STRN: variants seen among roughly 807,000 people sequenced by gnomAD.
STRN encodes the protein striatin.
STRN carries 53 observed loss-of-function variants against 96.3 expected under a neutral mutation model. The ratio of observed to expected loss-of-function variants is 0.55; its 90% CI spans 0.44 to 0.69. The LOEUF (loss-of-function observed/expected upper bound fraction) is 0.69. Ranked by LOEUF, STRN falls within the 30% of genes least tolerant of loss-of-function variation. The probability of loss-of-function intolerance (pLI) is 0.00; values close to 1 mark genes in which losing one functional copy is unlikely to be tolerated. For synonymous variants in STRN, 428 were observed against 355.9 expected (o/e 1.20, Z -2.28); for missense variants, 987 against 963.9 (o/e 1.02, Z -0.32).
At chr2:36,861,025 T>C (rs537424243) in intron 13 of STRN, 107 bp downstream of exon 13, 1 of 1,323,242 alleles carries the variant, frequency 7.6e-7, no homozygotes, top group Non-Finnish European at 1.0e-6. Flanking sequence ...TGGTTCTCTT[T>C]ACCTATTTAT....
intron 1 of STRN, among the ~76,000 whole-genome samples, chr2:36,948,504 A>C (rs1438457768): frequency 2.0e-5 from 3 of 152,110 alleles, no homozygotes; most frequent in Non-Finnish European, 4.4e-5. Flanking sequence ...CCTTCTGTTA[A>C]TTTGGACACA....
chr2:36,911,041 C>CA (rs551367476), intron 3 of STRN, among the ~76,000 whole-genome samples: 80 of 150,630 alleles, frequency 5.3e-4, no homozygotes, highest in Middle Eastern at 3.4e-3. Flanking sequence ...ACAAAGAATG[C>CA]AAAAAAAAAT....
In STRN at chr2:36,954,698, G is replaced by A. The variant is rs529942144; in HGVS notation, c.234+11532C>T. On this transcript the variant is annotated intron_variant, in intron 1 of 17. Coordinates refer to ENST00000263918, the MANE Select transcript of STRN (RefSeq NM_003162.4). Reference sequence around the variant, plus strand: ...CCAAGCTGGAGTGGAGTGAAATGGCGTGATCTCGGCTCACTGCAACCTCTG... The same window carrying A: ...CCAAGCTGGAGTGGAGTGAAATGGCATGATCTCGGCTCACTGCAACCTCTG... 7.3e-5 allele frequency among the ~76,000 whole-genome samples: 11 copies of A among 151,144 alleles called. No homozygotes were observed. The East Asian group carries it at 7.9e-4, about 11-fold the overall frequency.
chr2:36,854,741 A>G (rs1668302463), intron 15 of STRN, among the ~76,000 whole-genome samples: 1 of 152,200 alleles, frequency 6.6e-6, no homozygotes, highest in African/African-American at 2.4e-5. Context: ...TATCTTCTTC[A>G]TAACCTGAAA....
intron 1 of STRN, among the ~76,000 whole-genome samples, chr2:36,948,220 G>A (rs751758022): frequency 1.3e-5 from 2 of 149,390 alleles, no homozygotes; most frequent in Non-Finnish European, 3.0e-5. Flanking sequence ...TCCTGCCTCA[G>A]CCACCTGAGT....
chr2:36,884,088 A>AG lies in STRN; in HGVS notation c.1043-14dup, dbSNP rs747455162. 4.3e-5 allele frequency: 57 copies of AG among 1,316,458 alleles called. No individual in the cohort carries two copies. The Middle Eastern group carries it at 6.1e-4, about 14-fold the overall frequency. The allele number at this position is 1,316,458 out of a possible 1,614,324, so 81.5% of individuals were successfully genotyped here. A position where few individuals can be genotyped will look rare whatever the true frequency, so the allele number is the denominator to read the frequency against. On this transcript the variant is annotated splice_polypyrimidine_tract_variant and intron_variant, in intron 8 of 17. Coordinates refer to ENST00000263918, the MANE Select transcript of STRN (RefSeq NM_003162.4). The stretch of plus-strand genomic sequence containing the variant: ...GACCTATTGGGCCCTAGCCAAAAAA[A>AG]GGGGGGGTGGGAGGAGATAAAAAAG...
At chr2:36,849,869 G>A in intron 16 of STRN, 69 bp from the exon 17 acceptor site, 1 of 1,470,990 alleles carries the variant, frequency 6.8e-7, no homozygotes, top group Non-Finnish European at 9.5e-7. Flanking sequence ...CAGCTACCAT[G>A]TCCTGCTGGT....
At chr2:36,954,706 G>A (rs1019233837) in intron 1 of STRN, among the ~76,000 whole-genome samples, 3 of 150,834 alleles carry the variant, frequency 2.0e-5, no homozygotes, top group African/African-American at 7.3e-5. Flanking sequence ...GCGTGATCTC[G>A]GCTCACTGCA....
intron 13 of STRN, among the ~76,000 whole-genome samples, chr2:36,859,222 G>T (rs1238417072): frequency 1.3e-5 from 2 of 152,086 alleles, no homozygotes; most frequent in African/African-American, 4.8e-5. Context: ...ATTTAATAAG[G>T]TAAGCTTGGT....
In STRN at chr2:36,916,108, CCT is replaced by C. The variant is rs1288714577; in HGVS notation, c.380_381del (p.Gln127ArgfsTer9). 1 of 1,613,442 alleles carries C rather than the reference CCT, an allele frequency of 6.2e-7. No homozygotes were observed. The highest frequency in any genetic ancestry group is 8.5e-7 in the Non-Finnish European group (1 of 1,179,818). ...TCATAGCTTGGAGGCTTCATATCTCCCTGATTCAATTCTGTCCCGTATTTCAA... is the reference window on the plus strand; with the variant it reads ...TCATAGCTTGGAGGCTTCATATCTCCGATTCAATTCTGTCCCGTATTTCAA... ...HKLKYGTELN[Q>X]GDMKPPSYDS... is the part of the protein sequence containing the mutation. On this transcript the variant is annotated frameshift_variant, in exon 3 of 18. Coordinates refer to ENST00000263918, the MANE Select transcript of STRN (RefSeq NM_003162.4). LOFTEE classifies it high-confidence loss of function.
intron 1 of STRN, among the ~76,000 whole-genome samples, chr2:36,952,362 G>C (rs1455731799): frequency 6.8e-6 from 1 of 148,090 alleles, no homozygotes; most frequent in Non-Finnish European, 1.5e-5. Context: ...AGAATTAATG[G>C]AATCTTGAAA....
At chr2:36,872,339 A>G (rs1668783384) in intron 10 of STRN, among the ~76,000 whole-genome samples, 1 of 152,198 alleles carries the variant, frequency 6.6e-6, no homozygotes, top group African/African-American at 2.4e-5. Context: ...ACCAATAGAC[A>G]GCAAAGAACC....
At chr2:36,899,379 T>C in intron 6 of STRN, 144 bp downstream of exon 6, 1 of 722,790 alleles carries the variant, frequency 1.4e-6, no homozygotes, top group South Asian at 4.2e-5. Context: ...GAAATCAGTA[T>C]TACAAACTCT....
chr2:36,930,700 C>T (rs190544665), intron 1 of STRN, among the ~76,000 whole-genome samples: 1 of 152,066 alleles, frequency 6.6e-6, no homozygotes, highest in East Asian at 1.9e-4. Context: ...CAAAACAAAA[C>T]AAAAAGCAGG....
intron 1 of STRN, among the ~76,000 whole-genome samples, chr2:36,933,082 A>ACG (rs1283813958): frequency 1.3e-5 from 2 of 151,396 alleles, no homozygotes; most frequent in Non-Finnish European, 1.5e-5. Flanking sequence ...ACACACACAC[A>ACG]CACATATATA....
At chr2:36,951,480 G>A (rs17020084) in intron 1 of STRN, among the ~76,000 whole-genome samples, 4 of 152,108 alleles carry the variant, frequency 2.6e-5, no homozygotes, top group Non-Finnish European at 4.4e-5. Flanking sequence ...TACACTGCTC[G>A]CCTAAAACCA....
chr2:36,934,104 G>A (rs1377063197), intron 1 of STRN, among the ~76,000 whole-genome samples: 1 of 151,898 alleles, frequency 6.6e-6, no homozygotes, highest in South Asian at 2.1e-4. Flanking sequence ...GGGAGACTCC[G>A]TCTCGAAAGA....
At chr2:36,922,144 T>C (rs1396610924) in intron 2 of STRN, among the ~76,000 whole-genome samples, 1 of 152,116 alleles carries the variant, frequency 6.6e-6, no homozygotes, top group African/African-American at 2.4e-5. Flanking sequence ...AAAGCAAATA[T>C]AGCAAATCAT....
chr2:36,854,043 G>C (rs981019412), intron 15 of STRN, among the ~76,000 whole-genome samples: 2 of 146,678 alleles, frequency 1.4e-5, no homozygotes, highest in East Asian at 4.1e-4. Flanking sequence ...GGATTCACTC[G>C]CCTAGTTCTC....
Sources: gnomAD v4.1 joint callset for allele counts (sites outside exome capture counted in the v4.1 genomes callset) on GRCh38, gnomAD v4.1.1 for gene constraint, MANE v1.5 for transcripts, NCBI Gene and HGNC (gene_info 2026-07-23, HGNC 2026-07-21) for gene names.